SEMA3F: variants seen among roughly 807,000 people sequenced by gnomAD.
SEMA3F encodes the protein semaphorin-3F.
Under a neutral mutation model 98.5 loss-of-function variants are expected in SEMA3F, and 30 were observed. The observed-to-expected ratio is 0.30, with a 90% CI of 0.23 to 0.41. The LOEUF (loss-of-function observed/expected upper bound fraction) is 0.41, where lower values mean the gene tolerates loss of function less well. Among genes scored for constraint, SEMA3F ranks in the 10% least tolerant of loss-of-function variants. The pLI is 1.00. For synonymous variants in SEMA3F, 380 were observed against 444.8 expected (o/e 0.85, Z 1.83); for missense variants, 866 against 1,119.3 (o/e 0.77, Z 3.23).
intron 6 of SEMA3F, among the ~76,000 whole-genome samples, chr3:50,175,582 G>A (rs542401439): frequency 7.2e-5 from 11 of 152,306 alleles, no homozygotes; most frequent in South Asian, 2.1e-4. Context: ...CCAGGTGTTC[G>A]TGCCCCATGC....
At position 50,187,699 on chromosome 3, in the gene SEMA3F, C is replaced by G; in HGVS notation, c.1948-6C>G. 1 of 1,575,992 alleles carries G rather than the reference C, an allele frequency of 6.3e-7. No individual in the cohort carries two copies. The highest frequency in any genetic ancestry group is 8.7e-7 in the Non-Finnish European group (1 of 1,155,360). On this transcript the variant is annotated splice_polypyrimidine_tract_variant and splice_region_variant and intron_variant, in intron 18 of 18. Coordinates refer to ENST00000002829, the MANE Select transcript of SEMA3F (RefSeq NM_004186.5). The stretch of plus-strand genomic sequence containing the variant: ...GCCTCTGAACCCCCTCTCCTTGCCC[C>G]TGCAGATTCGTGCAGAGGACCGCTT...
intron 15 of SEMA3F, 83 bp from the exon 16 acceptor site, chr3:50,185,805 CA>C: frequency 1.9e-6 from 3 of 1,607,560 alleles, no homozygotes; most frequent in Non-Finnish European, 2.6e-6. Flanking sequence ...AGGCATGGAA[CA>C]GGGGAGAGGA....
intron 2 of SEMA3F, 55 bp downstream of exon 2, chr3:50,159,789 C>T (rs548721686): frequency 5.1e-6 from 6 of 1,184,520 alleles, no homozygotes; most frequent in East Asian, 2.4e-5. Context: ...CAATAGCGCT[C>T]GGCTCCTCTG....
rs2109130486 is a variant in SEMA3F, at chr3:50,188,046, A to C, written c.2289A>C (p.Ala763=). The C allele has an allele frequency of 6.3e-7, 1 of 1,586,188 alleles. No homozygotes were observed. The highest frequency in any genetic ancestry group is 1.1e-5 in the South Asian group (1 of 87,860). The change falls in exon 19 of 19, where the codon GCA becomes GCC. Residue 763 remains alanine, a synonymous_variant. Transcript: ENST00000002829. This position sits in a 1 kb window ranked among gnomAD's most constrained non-coding sequence, Gnocchi z 4.5. ...VPPSPREAPG[A]PRSPEPQDQK... ...CCAGCCCCAGGGAGGCTCCAGGGGC[A>C]CCCCGGTCTCCTGAGCCCCAGGACC...
In SEMA3F at chr3:50,155,481, G is replaced by A. The variant is rs947275577; in HGVS notation, c.-132G>A. On this transcript the variant is annotated 5_prime_UTR_variant, in exon 1 of 19. Transcript: ENST00000002829. The surrounding 1 kb of genome is among the most constrained non-coding windows in gnomAD (Gnocchi z 4.9). ...GCGGGCAGGGCCATGGCCCCGGGGG[G>A]CCGCTAGCGCGGACCGGCCCAACGG... The A allele has an allele frequency of 7.6e-5, 24 of 314,650 alleles. No individual in the cohort carries two copies. The highest frequency in any genetic ancestry group is 2.8e-4 in the South Asian group (2 of 7,070). 19.5% of individuals were successfully genotyped at this position (314,650 alleles called of 1,614,324 possible).
Position 50,186,817 on chromosome 3 carries a change from T to G in SEMA3F, c.1947+71T>G, listed in dbSNP as rs556685302. 306 of 1,419,368 alleles carry G rather than the reference T, an allele frequency of 2.2e-4. 3 individuals are homozygous for G. The Middle Eastern group carries it at 6.9e-3, about 32-fold the overall frequency. The allele number at this position is 1,419,368 out of a possible 1,614,324, so 87.9% of individuals were successfully genotyped here. ...ACAGTGGTGAAATGTAGTAGAGGAG[T>G]GATCTGGAGCAACTCTCATGCTGTG... On this transcript the variant is annotated intron_variant, in intron 18 of 18. Transcript: ENST00000002829.
rs1024147433 is a variant in SEMA3F, at chr3:50,156,944, T to C, written c.-49+1380T>C. The stretch of plus-strand genomic sequence containing the variant: ...ATGCTGGGGTGGCTCTGCTTCCTGG[T>C]CCTTGAGGTGTTGGGGGATGGGGAA... On this transcript the variant is annotated intron_variant, in intron 1 of 18. Transcript: ENST00000002829. The surrounding 1 kb of genome is among the most constrained non-coding windows in gnomAD (Gnocchi z 4.5). Among the ~76,000 whole-genome samples, 1 of 150,750 alleles carries C rather than the reference T, an allele frequency of 6.6e-6. No individual in the cohort carries two copies. Among genetic ancestry groups the C allele is most frequent in the African/African-American group, 2.4e-5 (1 of 40,976 alleles).
chr3:50,174,401 C>T, intron 5 of SEMA3F, 51 bp downstream of exon 5: 2 of 1,574,674 alleles, frequency 1.3e-6, no homozygotes, highest in South Asian at 2.3e-5. Context: ...TGGCTGCATC[C>T]CAGGGTCCTG....
rs527666268 is a variant in SEMA3F at position 50,156,276 on chromosome 3, G to A, written c.-49+712G>A. Among the ~76,000 whole-genome samples the A allele has an allele frequency of 6.6e-6, 1 of 152,246 alleles. No individual in the cohort carries two copies. The highest frequency in any genetic ancestry group is 2.4e-5 in the African/African-American group (1 of 41,466). ...GGGCAGGGGACAGCGGGGGCTTGGCGGGGTTGCCCCCAGCAGATGGGACAG... is the reference window on the plus strand; with the variant it reads ...GGGCAGGGGACAGCGGGGGCTTGGCAGGGTTGCCCCCAGCAGATGGGACAG... On this transcript the variant is annotated intron_variant, in intron 1 of 18. Coordinates refer to ENST00000002829, the MANE Select transcript of SEMA3F (RefSeq NM_004186.5). The surrounding 1 kb of genome is among the most constrained non-coding windows in gnomAD (Gnocchi z 4.5).
chr3:50,165,649 C>G (rs1477557180), intron 2 of SEMA3F, among the ~76,000 whole-genome samples: 3 of 152,248 alleles, frequency 2.0e-5, no homozygotes, highest in Non-Finnish European at 4.4e-5. Flanking sequence ...TTTGGAGAAG[C>G]AGAGAGGATT....
At chr3:50,178,627 CAGA>C (rs1698903435) in intron 7 of SEMA3F, among the ~76,000 whole-genome samples, 1 of 150,086 alleles carries the variant, frequency 6.7e-6, no homozygotes, top group South Asian at 2.1e-4. Context: ...GAGGCTAAGG[CAGA>C]AGAATAGCTT....
In SEMA3F at chr3:50,174,074, A is replaced by T. The variant is rs1398058613; in HGVS notation, c.296A>T (p.Gln99Leu). Residue 99 changes from glutamine (Q) to leucine (L), a missense_variant, in exon 4 of 19, where the codon CAG (glutamine) becomes CTG (leucine). Physicochemically the swap from Gln to Leu is moderately radical, Grantham distance 113. Coordinates refer to ENST00000002829, the MANE Select transcript of SEMA3F (RefSeq NM_004186.5). Reference sequence around the variant, plus strand: ...CAGATACACTGGGCAGCCTCCCCACAGCGCATCGAGGAATGCGTGCTCTCA... The same window carrying T: ...CAGATACACTGGGCAGCCTCCCCACTGCGCATCGAGGAATGCGTGCTCTCA... Reference protein sequence around the residue: ...PLIIHWAASPQRIEECVLSGK... With the variant: ...PLIIHWAASPLRIEECVLSGK... 6.2e-7 allele frequency: 1 copy of T among 1,614,130 alleles called. No individual in the cohort carries two copies. Among genetic ancestry groups the T allele is most frequent in the Admixed American group, 1.7e-5 (1 of 60,024 alleles).
intron 12 of SEMA3F, 162 bp from the exon 13 acceptor site, chr3:50,184,430 C>T (rs921418505): frequency 1.6e-6 from 1 of 632,054 alleles, no homozygotes; most frequent in Non-Finnish European, 2.8e-6. Context: ...AGAGCAGGAC[C>T]TGTAGAGGTC....
At chr3:50,180,373 G>A (rs536526741) in intron 7 of SEMA3F, among the ~76,000 whole-genome samples, 2 of 152,118 alleles carry the variant, frequency 1.3e-5, no homozygotes, top group South Asian at 4.2e-4. Context: ...ATGTTGGCCA[G>A]GCTGGTCTCC....
intron 18 of SEMA3F, 40 bp downstream of exon 18, chr3:50,186,786 C>G: frequency 6.5e-7 from 1 of 1,544,640 alleles, no homozygotes; most frequent in Non-Finnish European, 8.8e-7. Flanking sequence ...GGATGTGAGT[C>G]CTTGCACAGT....
intron 1 of SEMA3F, among the ~76,000 whole-genome samples, chr3:50,157,494 G>A (rs1185261272): frequency 6.6e-6 from 1 of 152,068 alleles, no homozygotes; most frequent in Non-Finnish European, 1.5e-5. Flanking sequence ...GTGTGACTTG[G>A]GGGCTTTTCT....
chr3:50,183,511 A>G lies in SEMA3F; in HGVS notation c.1180A>G (p.Asn394Asp). The change falls in exon 12 of 19, where the codon AAC becomes GAC. Residue 394 changes from asparagine to aspartate, a missense_variant. Physicochemically the swap from Asn to Asp is conservative, Grantham distance 23. Coordinates refer to ENST00000002829, the MANE Select transcript of SEMA3F (RefSeq NM_004186.5). ...NGPFAHKEGPNYQWMPFSGKM... is the reference protein window; with the variant it reads ...NGPFAHKEGPDYQWMPFSGKM... Reference sequence around the variant, plus strand: ...GCCCTTTGCCCACAAAGAGGGGCCCAACTACCAGTGGATGCCCTTCTCAGG... The same window carrying G: ...GCCCTTTGCCCACAAAGAGGGGCCCGACTACCAGTGGATGCCCTTCTCAGG... 6.2e-7 allele frequency: 1 copy of G among 1,614,086 alleles called. No individual in the cohort carries two copies. Among genetic ancestry groups the G allele is most frequent in the Non-Finnish European group, 8.5e-7 (1 of 1,180,036 alleles).
At chr3:50,174,953 T>G (rs1199897749) in intron 5 of SEMA3F, 143 bp from the exon 6 acceptor site, 1 of 652,762 alleles carries the variant, frequency 1.5e-6, no homozygotes, top group Non-Finnish European at 2.9e-6. Flanking sequence ...TGTGTATGTA[T>G]GTACACACGC....
At chr3:50,162,124 C>T (rs1698230504) in intron 2 of SEMA3F, among the ~76,000 whole-genome samples, 1 of 152,246 alleles carries the variant, frequency 6.6e-6, no homozygotes, top group African/African-American at 2.4e-5. Context: ...CTGCCCTGCC[C>T]TGCCCTGGGT....
Sources: gnomAD v4.1 joint callset for allele counts (sites outside exome capture counted in the v4.1 genomes callset) on GRCh38, gnomAD v4.1.1 for gene constraint, Gnocchi (gnomAD v3.1) non-coding constraint, MANE v1.5 for transcripts, NCBI Gene and HGNC (gene_info 2026-07-23, HGNC 2026-07-21) for gene names.